Variants in DLC1 observed in about 807,000 individuals in gnomAD.
DLC1 encodes the protein rho GTPase-activating protein 7.
DLC1 carries 54 observed loss-of-function variants against 140.3 expected under a neutral mutation model. That is an observed-to-expected ratio of 0.38 (90% CI 0.31 to 0.48). DLC1 has a LOEUF of 0.48. Among genes scored for constraint, DLC1 ranks in the 20% least tolerant of loss-of-function variants. DLC1 has a pLI of 0.96. For synonymous variants in DLC1, 986 were observed against 728.1 expected, an observed-to-expected ratio of 1.35 and a Z score of -5.70; for missense variants, 2,536 against 1,907.0, an observed-to-expected ratio of 1.33 and a Z score of -6.14.
At position 13,104,463 on chromosome 8, in the gene DLC1, A is replaced by G. The variant is rs146721718; in HGVS notation, c.1503-1610T>C. On this transcript the variant is annotated intron_variant, in intron 7 of 17. Coordinates refer to ENST00000276297, the MANE Select transcript of DLC1 (RefSeq NM_182643.3). ...GTACAACTATGAATGACAGCCCTTCAAGGCCCCAATTTTCCTGCCATCTCC... is the reference window on the plus strand; with the variant it reads ...GTACAACTATGAATGACAGCCCTTCGAGGCCCCAATTTTCCTGCCATCTCC... 2.5e-3 allele frequency among the ~76,000 whole-genome samples: 373 copies of G among 152,236 alleles called. 3 individuals are homozygous for G. The highest frequency in any genetic ancestry group is 8.2e-3 in the African/African-American group (340 of 41,538).
chr8:13,552,896 A>G (rs944543470), intron 1 of DLC1, among the ~76,000 whole-genome samples: 10 of 151,900 alleles, frequency 6.6e-5, no homozygotes, highest in African/African-American at 2.4e-4. Flanking sequence ...ATTAATATGT[A>G]TTTCACAATG....
chr8:13,576,691 G>T (rs370155805), intron 1 of DLC1, among the ~76,000 whole-genome samples: 8 of 152,040 alleles, frequency 5.3e-5, no homozygotes, highest in Non-Finnish European at 1.0e-4. Context: ...GAGCATTTGC[G>T]TGTCCTCAGT....
chr8:13,309,897 C>CT (rs1469241237), intron 4 of DLC1, among the ~76,000 whole-genome samples: 9 of 151,966 alleles, frequency 5.9e-5, no homozygotes, highest in Admixed American at 6.6e-5. Context: ...TAGGAATATG[C>CT]TTTTTTTCTA....
At chr8:13,542,848 T>G (rs1803530520) in intron 1 of DLC1, among the ~76,000 whole-genome samples, 6 of 152,120 alleles carry the variant, frequency 3.9e-5, no homozygotes, top group Admixed American at 3.9e-4. Context: ...CAGTTATTGG[T>G]TCTAATAACT....
At chr8:13,188,982 C>T (rs1022883790) in intron 5 of DLC1, among the ~76,000 whole-genome samples, 3 of 150,474 alleles carry the variant, frequency 2.0e-5, no homozygotes, top group Non-Finnish European at 4.4e-5. Context: ...AGCTATCACA[C>T]CCGGCCTTTA....
intron 1 of DLC1, among the ~76,000 whole-genome samples, chr8:13,514,107 A>G (rs574128030): frequency 5.6e-4 from 85 of 152,218 alleles, no homozygotes; most frequent in African/African-American, 2.0e-3. Flanking sequence ...TGGCTTGGGT[A>G]AAATAATAAG....
intron 2 of DLC1, among the ~76,000 whole-genome samples, chr8:13,458,298 A>T (rs1799505734): frequency 6.6e-6 from 1 of 152,208 alleles, no homozygotes; most frequent in Non-Finnish European, 1.5e-5. Context: ...GAGTTGGAAG[A>T]AACTTTAACC....
chr8:13,534,938 G>C (rs6530642), intron 1 of DLC1, among the ~76,000 whole-genome samples: 85,432 of 151,920 alleles, frequency 0.56, 24,304 homozygotes, highest in East Asian at 0.73. Context: ...TCTAACTGAT[G>C]TAGTACAGCT....
intron 5 of DLC1, 120 bp downstream of exon 5, chr8:13,305,149 A>G: frequency 7.1e-7 from 1 of 1,413,422 alleles, no homozygotes; most frequent in South Asian, 1.7e-5. Flanking sequence ...AATTTAAACA[A>G]CATTTTCCCA....
chr8:13,091,116 A>G (rs529299385), intron 14 of DLC1, among the ~76,000 whole-genome samples: 1 of 152,180 alleles, frequency 6.6e-6, no homozygotes, highest in Non-Finnish European at 1.5e-5. Context: ...CTGCTTTTCC[A>G]AGTAAAGGGA....
At chr8:13,420,001 A>T (rs1838243367) in intron 2 of DLC1, among the ~76,000 whole-genome samples, 1 of 152,116 alleles carries the variant, frequency 6.6e-6, no homozygotes, top group Non-Finnish European at 1.5e-5. Flanking sequence ...TTATTTGCGT[A>T]GAGGTGTTTG....
At chr8:13,423,143 C>G (rs1473708834) in intron 2 of DLC1, among the ~76,000 whole-genome samples, 1 of 152,148 alleles carries the variant, frequency 6.6e-6, no homozygotes, top group Non-Finnish European at 1.5e-5. Context: ...GCAGGTTTGC[C>G]TTGTCTACCA....
At chr8:13,344,907 T>A (rs1010154827) in intron 4 of DLC1, among the ~76,000 whole-genome samples, 10 of 152,282 alleles carry the variant, frequency 6.6e-5, no homozygotes, top group South Asian at 2.1e-4. Context: ...ACCTAATAAG[T>A]TTAGTCAACT....
At chr8:13,358,263 C>G (rs562711720) in intron 4 of DLC1, among the ~76,000 whole-genome samples, 1 of 152,252 alleles carries the variant, frequency 6.6e-6, no homozygotes, top group South Asian at 2.1e-4. Flanking sequence ...AATACACATA[C>G]AAAATGTTTT....
At chr8:13,109,726 A>G (rs1487426655) in intron 7 of DLC1, among the ~76,000 whole-genome samples, 2 of 151,986 alleles carry the variant, frequency 1.3e-5, no homozygotes, top group Non-Finnish European at 2.9e-5. Context: ...TCTACTGAAA[A>G]TACACAAAAT....
chr8:13,192,425 T>C (rs1826813342), intron 5 of DLC1, among the ~76,000 whole-genome samples: 1 of 152,178 alleles, frequency 6.6e-6, no homozygotes, highest in South Asian at 2.1e-4. Context: ...TTACCAGAGT[T>C]TTGAAGATTC....
intron 2 of DLC1, among the ~76,000 whole-genome samples, chr8:13,493,677 A>G (rs941066913): frequency 6.6e-6 from 1 of 152,154 alleles, no homozygotes; most frequent in Admixed American, 6.5e-5. Flanking sequence ...ACCTCTTTAC[A>G]TTGTAAACTT....
chr8:13,218,840 G>T (rs375261548), intron 5 of DLC1, among the ~76,000 whole-genome samples: 3 of 34,294 alleles, frequency 8.7e-5, no homozygotes, highest in African/African-American at 2.0e-4. Context: ...AACTATATAT[G>T]AATATAATTA....
intron 4 of DLC1, among the ~76,000 whole-genome samples, chr8:13,315,960 G>A (rs1303527647): frequency 2.6e-5 from 4 of 152,184 alleles, no homozygotes; most frequent in Non-Finnish European, 4.4e-5. Context: ...TGCAGAGAAC[G>A]AAGTTCTTGC....
Sources: gnomAD v4.1 joint callset for allele counts (sites outside exome capture counted in the v4.1 genomes callset) on GRCh38, gnomAD v4.1.1 for gene constraint, MANE v1.5 for transcripts, NCBI Gene and HGNC (gene_info 2026-07-23, HGNC 2026-07-21) for gene names.